The following CCDC85A variants were observed in gnomAD, a reference collection of about 807,000 sequenced individuals.
The protein encoded by CCDC85A is coiled-coil domain containing 85A, also known as coiled-coil domain-containing protein 85A.
In CCDC85A, 38 loss-of-function variants were observed where a neutral mutation model predicts 50.2. The observed-to-expected ratio is 0.76, with a 90% CI of 0.58 to 0.99. The LOEUF is 0.99. Ranked by LOEUF, CCDC85A falls within the 50% of genes least tolerant of loss-of-function variation. The pLI, the probability that CCDC85A is intolerant of heterozygous loss-of-function variation, is 0.00. For synonymous variants in CCDC85A, 366 were observed against 301.4 expected (o/e 1.21, Z -2.22); for missense variants, 820 against 742.0 (o/e 1.11, Z -1.22).
intron 3 of CCDC85A, among the ~76,000 whole-genome samples, chr2:56,350,596 C>T (rs1674869086): frequency 1.3e-5 from 2 of 152,068 alleles, no homozygotes. Context: ...ATTATGAAAT[C>T]TTGGCCTCTG....
intron 2 of CCDC85A, among the ~76,000 whole-genome samples, chr2:56,206,207 C>T (rs1298252560): frequency 6.6e-6 from 1 of 152,074 alleles, no homozygotes; most frequent in Non-Finnish European, 1.5e-5. Context: ...ATTAGTTTCT[C>T]ACACACATAG....
intron 2 of CCDC85A, among the ~76,000 whole-genome samples, chr2:56,339,097 A>G (rs1674227652): frequency 6.6e-6 from 1 of 152,208 alleles, no homozygotes; most frequent in Non-Finnish European, 1.5e-5. Flanking sequence ...GTGTGTTCTG[A>G]GAAAGTTATT....
rs76501595 is a variant in CCDC85A, at chr2:56,290,920, C to G, written c.1241-51959C>G. On this transcript the variant is annotated intron_variant, in intron 2 of 5. Coordinates refer to ENST00000407595, the MANE Select transcript of CCDC85A (RefSeq NM_001080433.2). ...TTCCTTACTGTAATTCTTTTGGTGTCTTTAATATGCTAAAACACACTGTGG... is the reference window on the plus strand; with the variant it reads ...TTCCTTACTGTAATTCTTTTGGTGTGTTTAATATGCTAAAACACACTGTGG... Among the ~76,000 whole-genome samples, 1,464 of 152,174 alleles carry G rather than the reference C, an allele frequency of 9.6e-3. 8 individuals carry two copies. The highest frequency in any genetic ancestry group is 0.015 in the South Asian group (73 of 4,820).
At chr2:56,366,095 G>C (rs373419876) in intron 3 of CCDC85A, among the ~76,000 whole-genome samples, 10 of 152,148 alleles carry the variant, frequency 6.6e-5, no homozygotes, top group African/African-American at 2.4e-4. Context: ...GATTTCCTTC[G>C]TTTTTAAGGC....
At chr2:56,254,475 C>A (rs1478717408) in intron 2 of CCDC85A, among the ~76,000 whole-genome samples, 1 of 152,118 alleles carries the variant, frequency 6.6e-6, no homozygotes, top group Non-Finnish European at 1.5e-5. Flanking sequence ...ATGTGAAAAA[C>A]CAAGTGTTTC....
chr2:56,263,224 G>A (rs1384283504), intron 2 of CCDC85A, among the ~76,000 whole-genome samples: 3 of 152,154 alleles, frequency 2.0e-5, no homozygotes, highest in African/African-American at 7.2e-5. Context: ...TGATGCATAA[G>A]GGGAGAAGAT....
At chr2:56,239,801 A>G (rs570554985) in intron 2 of CCDC85A, among the ~76,000 whole-genome samples, 106 of 152,260 alleles carry the variant, frequency 7.0e-4, no homozygotes, top group Non-Finnish European at 1.0e-3. Flanking sequence ...AGATGATGTG[A>G]TAATTTTGTT....
At chr2:56,302,788 T>C (rs1489035469) in intron 2 of CCDC85A, among the ~76,000 whole-genome samples, 2 of 152,240 alleles carry the variant, frequency 1.3e-5, no homozygotes, top group Non-Finnish European at 2.9e-5. Flanking sequence ...TAAGGTCTTT[T>C]TCACCTTTCT....
At chr2:56,251,860 G>C (rs1243956632) in intron 2 of CCDC85A, among the ~76,000 whole-genome samples, 1 of 151,968 alleles carries the variant, frequency 6.6e-6, no homozygotes, top group African/African-American at 2.4e-5. Flanking sequence ...CCCGTAGCAG[G>C]AGAGAAGGTG....
chr2:56,257,910 G>A lies in CCDC85A; in HGVS notation c.1240+64470G>A, dbSNP rs542228105. Among the ~76,000 whole-genome samples the A allele has an allele frequency of 1.7e-4, 26 of 152,316 alleles. 1 individual carries two copies. In the South Asian group the frequency reaches 5.4e-3, roughly 32 times the overall value. On this transcript the variant is annotated intron_variant, in intron 2 of 5. Transcript: ENST00000407595. ...TGGAGGGGGAGAGAAAGGTAATGAA[G>A]ATGGTGGTAAGATGTTGACATCATT...
chr2:56,361,006 C>A (rs901966122), intron 3 of CCDC85A, among the ~76,000 whole-genome samples: 5 of 152,176 alleles, frequency 3.3e-5, no homozygotes, highest in Non-Finnish European at 5.9e-5. Flanking sequence ...GTAATCCCAG[C>A]ACTTTGGGAA....
chr2:56,230,683 AC>A (rs1668736870), intron 2 of CCDC85A, among the ~76,000 whole-genome samples: 1 of 152,102 alleles, frequency 6.6e-6, no homozygotes, highest in Admixed American at 6.5e-5. Flanking sequence ...CTGTGTTCTG[AC>A]CCTTGTTTGA....
intron 2 of CCDC85A, among the ~76,000 whole-genome samples, chr2:56,287,684 G>A (rs1671508712): frequency 1.3e-5 from 2 of 152,188 alleles, no homozygotes; most frequent in Non-Finnish European, 2.9e-5. Context: ...TTCAGAGACA[G>A]TGTTTACAGG....
chr2:56,362,008 T>A (rs1197891410), intron 3 of CCDC85A, among the ~76,000 whole-genome samples: 1 of 152,008 alleles, frequency 6.6e-6, no homozygotes, highest in Non-Finnish European at 1.5e-5. Context: ...AGACTCACAG[T>A]GTGTTTTCAA....
At chr2:56,332,697 T>G (rs992657950) in intron 2 of CCDC85A, among the ~76,000 whole-genome samples, 3 of 122,880 alleles carry the variant, frequency 2.4e-5, no homozygotes, top group Non-Finnish European at 4.9e-5. Flanking sequence ...CCCCCCTCTC[T>G]CCCTCTTCTC....
chr2:56,332,580 A>T lies in CCDC85A; in HGVS notation c.1241-10299A>T, dbSNP rs77251497. ...CTTATTTTGGAGGGACACAACACTC[A>T]GGCCATAGCACTCCCCAACAGGTGC... On this transcript the variant is annotated intron_variant, in intron 2 of 5. Transcript: ENST00000407595. 3.7e-4 allele frequency among the ~76,000 whole-genome samples: 56 copies of T among 152,220 alleles called. 1 individual carries two copies. The East Asian group carries it at 9.9e-3, about 27-fold the overall frequency.
At chr2:56,201,790 GA>G (rs746097477) in intron 2 of CCDC85A, among the ~76,000 whole-genome samples, 2 of 152,130 alleles carry the variant, frequency 1.3e-5, no homozygotes, top group Non-Finnish European at 2.9e-5. Flanking sequence ...AGGAAGAAAT[GA>G]GGGCAATATA....
At chr2:56,230,791 A>G (rs1007242925) in intron 2 of CCDC85A, among the ~76,000 whole-genome samples, 5 of 152,236 alleles carry the variant, frequency 3.3e-5, no homozygotes, top group African/African-American at 4.8e-5. Context: ...GAGTGCAGGT[A>G]CGGTGTCTGT....
At chr2:56,300,060 A>G (rs1430069397) in intron 2 of CCDC85A, among the ~76,000 whole-genome samples, 1 of 152,208 alleles carries the variant, frequency 6.6e-6, no homozygotes, top group Admixed American at 6.5e-5. Context: ...AGAGGCAGCC[A>G]GCATTCAGAA....
Sources: allele counts gnomAD v4.1 joint callset (sites outside exome capture counted in the v4.1 genomes callset), GRCh38; gene constraint gnomAD v4.1.1; transcripts MANE v1.5; gene names NCBI Gene and HGNC (gene_info 2026-07-23, HGNC 2026-07-21).